ANKRD44: variants seen among roughly 807,000 people sequenced by gnomAD.
ANKRD44 encodes ankyrin repeat domain 44, also known as serine/threonine-protein phosphatase 6 regulatory ankyrin repeat subunit B.
In ANKRD44, 35 loss-of-function variants were observed where a neutral mutation model predicts 116.0. That is an observed-to-expected ratio of 0.30 (90% CI 0.23 to 0.40). The LOEUF (loss-of-function observed/expected upper bound fraction) is 0.40, where lower values mean the gene tolerates loss of function less well. Ranked by LOEUF, ANKRD44 falls within the 10% of genes least tolerant of loss-of-function variation. The pLI is 1.00. For synonymous variants in ANKRD44, 435 were observed against 461.8 expected (o/e 0.94, Z 0.74); for missense variants, 1,014 against 1,242.6 (o/e 0.82, Z 2.77).
rs547347076 is a variant in ANKRD44, at chr2:197,290,480, A to C, written c.27+20098T>G. 3.9e-4 allele frequency among the ~76,000 whole-genome samples: 59 copies of C among 152,302 alleles called. 1 individual carries two copies. Among genetic ancestry groups the C allele is most frequent in the South Asian group, 3.5e-3 (17 of 4,818 alleles). On this transcript the variant is annotated intron_variant, in intron 1 of 27. Coordinates refer to ENST00000282272, the MANE Select transcript of ANKRD44 (RefSeq NM_001195144.2). ...CACTTGAGTTTCCTGGTGTCAAAGA[A>C]AAGACCAGTTGAAAACCAGGAGATT...
chr2:197,101,851 T>C (rs566869336), intron 9 of ANKRD44, among the ~76,000 whole-genome samples: 64 of 152,348 alleles, frequency 4.2e-4, no homozygotes, highest in Middle Eastern at 3.4e-3. Context: ...TAAGTTAGGT[T>C]CATTTGATTC....
chr2:197,047,453 C>T (rs557893701), intron 16 of ANKRD44, among the ~76,000 whole-genome samples: 4 of 152,156 alleles, frequency 2.6e-5, no homozygotes, highest in South Asian at 2.1e-4. Flanking sequence ...AGTAATGAAA[C>T]GGTTTGTCCA....
In ANKRD44 at chr2:197,075,892, G is replaced by A. The variant is rs73049695; in HGVS notation, c.1650+2811C>T. On this transcript the variant is annotated intron_variant, in intron 16 of 27. Coordinates refer to ENST00000282272, the MANE Select transcript of ANKRD44 (RefSeq NM_001195144.2). ...TCAAATTTAATGATACATATTTAAT[G>A]ATATGTATAATCACTGTAATTGCTT... is the stretch of plus-strand genomic sequence containing the variant. Among the ~76,000 whole-genome samples the A allele has an allele frequency of 9.8e-3, 1,489 of 152,224 alleles. 30 individuals are homozygous for A. Among genetic ancestry groups the A allele is most frequent in the African/African-American group, 0.034 (1,399 of 41,520 alleles).
At chr2:197,217,893 C>A (rs1223032619) in intron 1 of ANKRD44, among the ~76,000 whole-genome samples, 2 of 152,112 alleles carry the variant, frequency 1.3e-5, no homozygotes, top group Non-Finnish European at 2.9e-5. Flanking sequence ...AACATTGGAG[C>A]AATTGGCCCC....
intron 1 of ANKRD44, among the ~76,000 whole-genome samples, chr2:197,260,113 T>C (rs1037650500): frequency 2.0e-5 from 3 of 152,220 alleles, no homozygotes; most frequent in African/African-American, 7.2e-5. Flanking sequence ...CTTTAAGTTT[T>C]AGGGTACATG....
At chr2:197,230,122 T>C (rs1466378818) in intron 1 of ANKRD44, among the ~76,000 whole-genome samples, 1 of 152,140 alleles carries the variant, frequency 6.6e-6, no homozygotes, top group African/African-American at 2.4e-5. Flanking sequence ...AGGGATGCAC[T>C]GTCTGTGTTT....
intron 1 of ANKRD44, among the ~76,000 whole-genome samples, chr2:197,271,667 G>A (rs184053507): frequency 1.2e-4 from 18 of 152,224 alleles, no homozygotes; most frequent in Admixed American, 5.2e-4. Flanking sequence ...ACAGGGTCTC[G>A]CTCTGTTGCC....
chr2:197,257,072 A>G (rs906458950), intron 1 of ANKRD44, among the ~76,000 whole-genome samples: 1 of 152,264 alleles, frequency 6.6e-6, no homozygotes, highest in African/African-American at 2.4e-5. Context: ...CACCAATCCA[A>G]TCCCCAAGAA....
rs117253636 is a variant in ANKRD44, at chr2:197,226,403, C to T, written c.28-39297G>A. 6.4e-4 allele frequency among the ~76,000 whole-genome samples: 97 copies of T among 152,284 alleles called. 1 individual carries two copies. In the East Asian group the frequency reaches 0.017, roughly 27 times the overall value. ...TTTCCCGACCAGGCACGGTGGCTCA[C>T]GCCTGTAATCCTAGTACTTTGAGAG... On this transcript the variant is annotated intron_variant, in intron 1 of 27. Coordinates refer to ENST00000282272, the MANE Select transcript of ANKRD44 (RefSeq NM_001195144.2).
At chr2:197,094,378 T>A (rs966374380) in intron 10 of ANKRD44, among the ~76,000 whole-genome samples, 2 of 152,230 alleles carry the variant, frequency 1.3e-5, no homozygotes, top group Admixed American at 6.5e-5. Context: ...AATGTTCATG[T>A]AGTGCTAAAA....
chr2:197,133,597 A>C (rs1303669070), intron 4 of ANKRD44, among the ~76,000 whole-genome samples: 1 of 152,260 alleles, frequency 6.6e-6, no homozygotes, highest in Non-Finnish European at 1.5e-5. Context: ...GGTTTCAAAC[A>C]CATGAACATG....
chr2:197,204,039 A>G (rs2125672031), intron 1 of ANKRD44, among the ~76,000 whole-genome samples: 1 of 152,338 alleles, frequency 6.6e-6, no homozygotes, highest in South Asian at 2.1e-4. Flanking sequence ...TGGCTGCACA[A>G]CACTGTGAAT....
At chr2:197,040,392 T>TC (rs1226338394) in intron 16 of ANKRD44, among the ~76,000 whole-genome samples, 3 of 149,768 alleles carry the variant, frequency 2.0e-5, no homozygotes, top group Middle Eastern at 3.2e-3. Flanking sequence ...TTTTTTTTTT[T>TC]TTGAGACAGA....
chr2:197,154,820 ATC>A (rs1328728696), intron 2 of ANKRD44, among the ~76,000 whole-genome samples: 1 of 152,114 alleles, frequency 6.6e-6, no homozygotes, highest in Non-Finnish European at 1.5e-5. Context: ...GTGACAGCAA[ATC>A]TCTGTCCCAA....
At chr2:197,066,673 C>G (rs919860470) in intron 16 of ANKRD44, among the ~76,000 whole-genome samples, 7 of 152,114 alleles carry the variant, frequency 4.6e-5, no homozygotes, top group African/African-American at 7.2e-5. Context: ...CAAATCATGA[C>G]TGAACTCCCA....
In ANKRD44 at chr2:196,988,290, C is replaced by T. The variant is rs1458149556; in HGVS notation, c.*1301G>A. On this transcript the variant is annotated 3_prime_UTR_variant, in exon 28 of 28. Transcript: ENST00000282272. ...ACCGCAGCATATTGTGCTTCTTCAA[C>T]ACTGAACCTCTCTTAATTTTCAGTG... is the stretch of plus-strand genomic sequence containing the variant. 2.0e-6 allele frequency: 2 copies of T among 985,340 alleles called. No homozygotes were observed. Among genetic ancestry groups the T allele is most frequent in the Non-Finnish European group, 2.4e-6 (2 of 829,940 alleles). 61.0% of individuals were successfully genotyped at this position (985,340 alleles called of 1,614,324 possible). A position where few individuals can be genotyped will look rare whatever the true frequency, so the allele number is the denominator to read the frequency against.
chr2:197,291,026 T>C (rs1056406905), intron 1 of ANKRD44, among the ~76,000 whole-genome samples: 4 of 151,932 alleles, frequency 2.6e-5, no homozygotes, highest in Admixed American at 6.6e-5. Flanking sequence ...GTGGGCAACA[T>C]AGGGAGACCC....
At chr2:197,246,390 G>A (rs952970741) in intron 1 of ANKRD44, among the ~76,000 whole-genome samples, 28 of 138,428 alleles carry the variant, frequency 2.0e-4, no homozygotes, top group African/African-American at 5.7e-4. Flanking sequence ...ATGGGGTATC[G>A]CTGTGTTGCC....
At chr2:197,169,274 A>T (rs543844942) in intron 2 of ANKRD44, among the ~76,000 whole-genome samples, 1 of 152,166 alleles carries the variant, frequency 6.6e-6, no homozygotes, top group Admixed American at 6.5e-5. Context: ...TGTCACTGCC[A>T]CCTCAAGAGA....
Sources: allele counts gnomAD v4.1 joint callset (sites outside exome capture counted in the v4.1 genomes callset), GRCh38; gene constraint gnomAD v4.1.1; transcripts MANE v1.5; gene names NCBI Gene and HGNC (gene_info 2026-07-23, HGNC 2026-07-21).